Variants in ATXN7L1 observed in about 807,000 individuals in gnomAD.
ATXN7L1 encodes the protein ataxin-7-like protein 1.
Under a neutral mutation model 70.8 loss-of-function variants are expected in ATXN7L1, and 15 were observed. The observed-to-expected ratio is 0.21, with a 90% CI of 0.14 to 0.33. The LOEUF (loss-of-function observed/expected upper bound fraction) is 0.33, where lower values mean the gene tolerates loss of function less well. ATXN7L1 is among the 10% of genes least tolerant of loss of function. The pLI, the probability that ATXN7L1 is intolerant of heterozygous loss-of-function variation, is 1.00. For missense variants in ATXN7L1, 975 were observed against 1,097.1 expected, an observed-to-expected ratio of 0.89 and a Z score of 1.57; for synonymous variants, 440 against 445.1, an observed-to-expected ratio of 0.99 and a Z score of 0.14.
At chr7:105,755,203 C>T (rs540658422) in intron 3 of ATXN7L1, among the ~76,000 whole-genome samples, 136 of 147,260 alleles carry the variant, frequency 9.2e-4, no homozygotes, top group African/African-American at 3.4e-3. Flanking sequence ...TCTCTAGAAG[C>T]ACTGAATTTA....
chr7:105,770,307 T>G (rs1157230722), intron 3 of ATXN7L1, among the ~76,000 whole-genome samples: 2 of 152,226 alleles, frequency 1.3e-5, no homozygotes, highest in Non-Finnish European at 1.5e-5. Flanking sequence ...CGCTGTAAAT[T>G]ACAGTATACA....
chr7:105,859,910 G>A (rs1290164449), intron 2 of ATXN7L1, among the ~76,000 whole-genome samples: 2 of 149,216 alleles, frequency 1.3e-5, no homozygotes, highest in African/African-American at 4.9e-5. Context: ...GGCCTCCCAA[G>A]TAGCTGGGGT....
chr7:105,784,778 C>T (rs1434019618), intron 3 of ATXN7L1, among the ~76,000 whole-genome samples: 1 of 152,168 alleles, frequency 6.6e-6, no homozygotes, highest in African/African-American at 2.4e-5. Context: ...GTGAGCTGCT[C>T]AAGGTTGCAC....
At chr7:105,612,201 T>A (rs1793216432) in intron 10 of ATXN7L1, among the ~76,000 whole-genome samples, 2 of 152,236 alleles carry the variant, frequency 1.3e-5, no homozygotes, top group Non-Finnish European at 2.9e-5. Flanking sequence ...AATCCTAGCC[T>A]AACTACTGCT....
chr7:105,766,266 A>G (rs1268763644), intron 3 of ATXN7L1, among the ~76,000 whole-genome samples: 3 of 151,792 alleles, frequency 2.0e-5, no homozygotes, highest in African/African-American at 7.3e-5. Flanking sequence ...GCTGCGTAAA[A>G]AACTCTGAAT....
Position 105,605,264 on chromosome 7 carries a change from T to C in ATXN7L1, c.*2588A>G, listed in dbSNP as rs1360903680. ...AAAAATGTTTTATAGGCTGCTCCAGTTTAACTCCATTAAGACAAACCCAAA... is the reference window on the plus strand; with the variant it reads ...AAAAATGTTTTATAGGCTGCTCCAGCTTAACTCCATTAAGACAAACCCAAA... On this transcript the variant is annotated 3_prime_UTR_variant, in exon 12 of 12. Transcript: ENST00000419735. The C allele has an allele frequency of 6.6e-6, 1 of 151,966 alleles. No individual in the cohort carries two copies. Among genetic ancestry groups the C allele is most frequent in the Non-Finnish European group, 1.5e-5 (1 of 68,014 alleles). 9.4% of individuals were successfully genotyped at this position (151,966 alleles called of 1,614,324 possible).
intron 2 of ATXN7L1, among the ~76,000 whole-genome samples, chr7:105,805,161 G>A (rs763140538): frequency 6.6e-6 from 1 of 152,238 alleles, no homozygotes; most frequent in Non-Finnish European, 1.5e-5. Flanking sequence ...TAGAGAATGG[G>A]ATGGCATAAA....
intron 2 of ATXN7L1, among the ~76,000 whole-genome samples, chr7:105,832,318 C>T (rs1811732283): frequency 6.6e-6 from 1 of 152,158 alleles, no homozygotes; most frequent in South Asian, 2.1e-4. Context: ...AACTCAAGAG[C>T]TCTGAAACCA....
intron 10 of ATXN7L1, chr7:105,613,370 G>A (rs113471736): frequency 1.8e-5 from 9 of 494,998 alleles, no homozygotes; most frequent in Admixed American, 1.2e-4. Context: ...CCCGGGAGCC[G>A]GGCACAGGCG....
chr7:105,830,693 C>G (rs1034107646), intron 2 of ATXN7L1, among the ~76,000 whole-genome samples: 1 of 152,256 alleles, frequency 6.6e-6, no homozygotes, highest in Admixed American at 6.5e-5. Context: ...TCTCTCTTCT[C>G]TAAGAGGCAG....
intron 7 of ATXN7L1, among the ~76,000 whole-genome samples, chr7:105,634,323 A>G (rs985250075): frequency 3.9e-5 from 6 of 152,112 alleles, no homozygotes; most frequent in African/African-American, 1.4e-4. Flanking sequence ...AGAAAATCCC[A>G]CCTTACCACT....
chr7:105,761,585 G>T, intron 3 of ATXN7L1: 3 of 1,309,018 alleles, frequency 2.3e-6, no homozygotes, highest in Non-Finnish European at 3.1e-6. Context: ...TTAAACACTG[G>T]TTGCTTAAAT....
chr7:105,717,926 G>T (rs1340681298), intron 3 of ATXN7L1, among the ~76,000 whole-genome samples: 2 of 151,960 alleles, frequency 1.3e-5, no homozygotes, highest in East Asian at 3.8e-4. Flanking sequence ...TAATCTATAA[G>T]AATTTTTGTA....
At chr7:105,639,403 T>A in intron 6 of ATXN7L1, 84 bp downstream of exon 6, 1 of 1,084,898 alleles carries the variant, frequency 9.2e-7, no homozygotes, top group African/African-American at 1.6e-5. Flanking sequence ...TTCCACACCC[T>A]GCCGTGTGCA....
At chr7:105,719,814 G>C (rs943407131) in intron 3 of ATXN7L1, among the ~76,000 whole-genome samples, 3 of 152,182 alleles carry the variant, frequency 2.0e-5, no homozygotes, top group African/African-American at 4.8e-5. Flanking sequence ...AGCAGTGAGC[G>C]TTCCTTTTGG....
chr7:105,643,716 G>A (rs779196819), intron 4 of ATXN7L1, among the ~76,000 whole-genome samples: 9 of 152,212 alleles, frequency 5.9e-5, no homozygotes, highest in Non-Finnish European at 8.8e-5. Context: ...TGAGTGAGCC[G>A]CCATGTAGCA....
intron 3 of ATXN7L1, among the ~76,000 whole-genome samples, chr7:105,783,417 G>A (rs1280015732): frequency 6.6e-6 from 1 of 152,152 alleles, no homozygotes; most frequent in African/African-American, 2.4e-5. Flanking sequence ...TGGGATCTCT[G>A]GAGTGTCTTT....
At chr7:105,613,832 C>T (rs537706190) in intron 10 of ATXN7L1, 30 bp downstream of exon 10, 30 of 1,551,700 alleles carry the variant, frequency 1.9e-5, no homozygotes, top group Admixed American at 1.4e-4. Context: ...CCCCCAGAGC[C>T]GGTGAAGGCG....
intron 3 of ATXN7L1, among the ~76,000 whole-genome samples, chr7:105,676,829 G>C (rs530597120): frequency 6.6e-6 from 1 of 152,148 alleles, no homozygotes; most frequent in Admixed American, 6.5e-5. Context: ...GACAGAGTGA[G>C]ACTCTGTCTC....
Sources: gnomAD v4.1 joint callset for allele counts (sites outside exome capture counted in the v4.1 genomes callset) on GRCh38, gnomAD v4.1.1 for gene constraint, MANE v1.5 for transcripts, NCBI Gene and HGNC (gene_info 2026-07-23, HGNC 2026-07-21) for gene names.